The following NKAIN3 variants were observed in gnomAD, a reference collection of about 807,000 sequenced individuals.
The protein encoded by NKAIN3 is sodium/potassium transporting ATPase interacting 3.
In NKAIN3, 25 loss-of-function variants were observed where a neutral mutation model predicts 30.2. That is an observed-to-expected ratio of 0.83 (90% confidence interval 0.60 to 1.16). The LOEUF is 1.16. NKAIN3 is among the 50% of genes most tolerant of loss of function. The pLI, the probability that NKAIN3 is intolerant of heterozygous loss-of-function variation, is 0.00. For missense variants in NKAIN3, 225 were observed against 254.1 expected, an observed-to-expected ratio of 0.89 and a Z score of 0.78; for synonymous variants, 91 against 89.6, an observed-to-expected ratio of 1.02 and a Z score of -0.09.
chr8:62,686,549 T>C (rs879839182), intron 3 of NKAIN3, among the ~76,000 whole-genome samples: 3 of 152,158 alleles, frequency 2.0e-5, no homozygotes, highest in Non-Finnish European at 4.4e-5. Flanking sequence ...CAGAAGGGTG[T>C]AATTTAATAT....
intron 4 of NKAIN3, among the ~76,000 whole-genome samples, chr8:62,858,906 C>T (rs73685819): frequency 0.013 from 1,947 of 152,244 alleles, 39 homozygotes; most frequent in African/African-American, 0.045. Flanking sequence ...AGCCCCCTTC[C>T]TAGGGGTATG....
chr8:62,517,706 C>A lies in NKAIN3; in HGVS notation c.55-61833C>A, dbSNP rs183628298. On this transcript the variant is annotated intron_variant, in intron 1 of 6. Transcript: ENST00000623646. ...AAAGCAAATCTGCTCACCCATAACA[C>A]AAAATCCTTCACGTTTCCTTCCAGC... is the stretch of plus-strand genomic sequence containing the variant. Among the ~76,000 whole-genome samples the A allele has an allele frequency of 7.7e-4, 117 of 152,222 alleles. No individual in the cohort carries two copies. The East Asian group carries it at 0.021, about 27-fold the overall frequency.
At chr8:62,523,231 G>T (rs1302982839) in intron 1 of NKAIN3, among the ~76,000 whole-genome samples, 1 of 152,146 alleles carries the variant, frequency 6.6e-6, no homozygotes, top group Non-Finnish European at 1.5e-5. Context: ...AGGAGCAGCG[G>T]ACTATACTGT....
intron 1 of NKAIN3, among the ~76,000 whole-genome samples, chr8:62,370,985 A>G (rs1816890270): frequency 6.6e-6 from 1 of 151,982 alleles, no homozygotes; most frequent in South Asian, 2.1e-4. Context: ...AATCTTAGAG[A>G]ACATTTTTAA....
chr8:62,682,780 C>A (rs890074913), intron 3 of NKAIN3, among the ~76,000 whole-genome samples: 2 of 152,052 alleles, frequency 1.3e-5, no homozygotes, highest in African/African-American at 4.8e-5. Flanking sequence ...GAACATAACT[C>A]CATTGACCTG....
intron 4 of NKAIN3, among the ~76,000 whole-genome samples, chr8:62,915,605 G>T (rs1000913163): frequency 6.6e-6 from 1 of 152,100 alleles, no homozygotes; most frequent in Non-Finnish European, 1.5e-5. Context: ...AGCAGCAACC[G>T]AAAACTAATG....
chr8:62,769,317 G>A (rs1266771321), intron 4 of NKAIN3, among the ~76,000 whole-genome samples: 4 of 152,144 alleles, frequency 2.6e-5, no homozygotes, highest in African/African-American at 9.7e-5. Flanking sequence ...TGTAATTTAG[G>A]AAGTAATAAA....
intron 4 of NKAIN3, among the ~76,000 whole-genome samples, chr8:62,906,858 A>G (rs918128513): frequency 2.8e-4 from 43 of 152,292 alleles, no homozygotes; most frequent in African/African-American, 9.9e-4. Context: ...GCAGTGTGAG[A>G]ACAGACTAAT....
chr8:62,964,537 A>AGAGAGTGTGT (rs1386858813), intron 6 of NKAIN3, among the ~76,000 whole-genome samples: 46 of 133,226 alleles, frequency 3.5e-4, no homozygotes, highest in South Asian at 7.7e-4. Flanking sequence ...AGAGAGAGAG[A>AGAGAGTGTGT]GTGTGTGTGT....
intron 4 of NKAIN3, chr8:62,863,658 G>T: frequency 1.5e-6 from 2 of 1,353,614 alleles, no homozygotes; most frequent in Non-Finnish European, 2.1e-6. Context: ...TAACTTTCTC[G>T]AACACATTTG....
At chr8:62,595,364 G>GT (rs34576457) in intron 3 of NKAIN3, among the ~76,000 whole-genome samples, 113,963 of 143,000 alleles carry the variant, frequency 0.8, 45,544 homozygotes, top group Middle Eastern at 0.85. Flanking sequence ...ACCATTTGGG[G>GT]TTTTTTGGGG....
At chr8:62,541,161 A>G (rs754808276) in intron 1 of NKAIN3, among the ~76,000 whole-genome samples, 8 of 151,820 alleles carry the variant, frequency 5.3e-5, no homozygotes, top group Non-Finnish European at 8.8e-5. Flanking sequence ...AATACAAGAA[A>G]AAAAAAATAG....
chr8:62,747,981 G>A (rs1816138627), intron 4 of NKAIN3, among the ~76,000 whole-genome samples: 1 of 152,104 alleles, frequency 6.6e-6, no homozygotes, highest in Non-Finnish European at 1.5e-5. Flanking sequence ...AATGAAGAAG[G>A]TACCTTGGAA....
intron 1 of NKAIN3, among the ~76,000 whole-genome samples, chr8:62,327,073 G>A (rs1467269422): frequency 6.6e-6 from 1 of 151,708 alleles, no homozygotes; most frequent in Admixed American, 6.6e-5. Context: ...GATTAGTGAT[G>A]GTAAAAAATC....
At chr8:62,274,595 A>T (rs926014798) in intron 1 of NKAIN3, among the ~76,000 whole-genome samples, 4 of 151,572 alleles carry the variant, frequency 2.6e-5, no homozygotes, top group Non-Finnish European at 2.9e-5. Flanking sequence ...ATTTTTTTTT[A>T]AATTTAGTTA....
chr8:62,678,500 C>T (rs1373196193), intron 3 of NKAIN3, among the ~76,000 whole-genome samples: 1 of 152,150 alleles, frequency 6.6e-6, no homozygotes, highest in African/African-American at 2.4e-5. Context: ...TAATAACCAA[C>T]TATCGAATAG....
At chr8:62,672,858 T>A (rs1034517084) in intron 3 of NKAIN3, among the ~76,000 whole-genome samples, 3 of 152,228 alleles carry the variant, frequency 2.0e-5, no homozygotes, top group African/African-American at 2.4e-5. Context: ...TCTAAAAAAA[T>A]TGATTTTTTC....
chr8:62,725,265 T>C (rs1459946360), intron 3 of NKAIN3, among the ~76,000 whole-genome samples: 1 of 152,218 alleles, frequency 6.6e-6, no homozygotes, highest in Non-Finnish European at 1.5e-5. Context: ...GAGCTCTTTA[T>C]ACATTCTGGC....
chr8:62,897,231 C>G (rs1252413907), intron 4 of NKAIN3, among the ~76,000 whole-genome samples: 1 of 152,132 alleles, frequency 6.6e-6, no homozygotes, highest in Non-Finnish European at 1.5e-5. Context: ...TCAGGTGTGT[C>G]TGCACATTGG....
Sources: gnomAD v4.1 joint callset for allele counts (sites outside exome capture counted in the v4.1 genomes callset) on GRCh38, gnomAD v4.1.1 for gene constraint, MANE v1.5 for transcripts, NCBI Gene and HGNC (gene_info 2026-07-23, HGNC 2026-07-21) for gene names.